Variants in PSAP observed in about 807,000 individuals in gnomAD.
PSAP encodes the protein precursor of saposins.
PSAP carries 25 observed loss-of-function variants against 66.0 expected under a neutral mutation model. The ratio of observed to expected loss-of-function variants is 0.38; its 90% CI spans 0.28 to 0.53. The LOEUF (loss-of-function observed/expected upper bound fraction) is 0.53. Among genes scored for constraint, PSAP ranks in the 20% least tolerant of loss-of-function variants. The pLI, the probability that PSAP is intolerant of heterozygous loss-of-function variation, is 0.83. For missense variants in PSAP, 649 were observed against 668.8 expected (o/e 0.97, Z 0.33); for synonymous variants, 273 against 258.9 (o/e 1.05, Z -0.52).
Position 71,816,435 on chromosome 10 carries a change from G to C in PSAP, c.*1006C>G, listed in dbSNP as rs1407620086. 4.2e-6 allele frequency: 2 copies of C among 471,110 alleles called. No individual in the cohort carries two copies. The highest frequency in any genetic ancestry group is 8.8e-6 in the Non-Finnish European group (2 of 227,070). The allele number at this position is 471,110 out of a possible 1,614,324, so 29.2% of individuals were successfully genotyped here. ...GGCAACCAGAAGTGGACAGAAGCGT[G>C]GGTGCCCAAGTGGGCCACAGACAGC... On this transcript the variant is annotated 3_prime_UTR_variant, in exon 14 of 14. Coordinates refer to ENST00000394936, the MANE Select transcript of PSAP (RefSeq NM_002778.4).
At chr10:71,832,565 A>G (rs1446517201) in intron 2 of PSAP, among the ~76,000 whole-genome samples, 1 of 152,196 alleles carries the variant, frequency 6.6e-6, no homozygotes, top group East Asian at 1.9e-4. Context: ...ACTTAGCTGC[A>G]TTTAGAGAAA....
rs75985593 is a variant in PSAP, at chr10:71,849,244, T to G, written c.40+1938A>C. 9.1e-3 allele frequency among the ~76,000 whole-genome samples: 1,393 copies of G among 152,344 alleles called. 11 individuals are homozygous for G. Among genetic ancestry groups the G allele is most frequent in the Non-Finnish European group, 0.014 (969 of 68,032 alleles). On this transcript the variant is annotated intron_variant, in intron 1 of 13. Coordinates refer to ENST00000394936, the MANE Select transcript of PSAP (RefSeq NM_002778.4). The stretch of plus-strand genomic sequence containing the variant: ...GATTTTTTTATAAGCAGATCATCTT[T>G]CATTGTGTACAAGTAAAACAAATTT...
In PSAP at chr10:71,816,499, C is replaced by G. The variant is rs1245561445; in HGVS notation, c.*942G>C. Reference sequence around the variant, plus strand: ...ACCCCAGCATCCAATCCACACCCAGCAGACCCTTCGGCATGCCGCCCTCTA... The same window carrying G: ...ACCCCAGCATCCAATCCACACCCAGGAGACCCTTCGGCATGCCGCCCTCTA... On this transcript the variant is annotated 3_prime_UTR_variant, in exon 14 of 14. Transcript: ENST00000394936. 1 of 468,370 alleles carries G rather than the reference C, an allele frequency of 2.1e-6. No individual in the cohort carries two copies. The highest frequency in any genetic ancestry group is 7.0e-5 in the East Asian group (1 of 14,290). 29.0% of individuals were successfully genotyped at this position (468,370 alleles called of 1,614,324 possible). A position where few individuals can be genotyped will look rare whatever the true frequency, so the allele number is the denominator to read the frequency against.
chr10:71,840,683 C>T (rs1295771468), intron 1 of PSAP, among the ~76,000 whole-genome samples: 1 of 152,222 alleles, frequency 6.6e-6, no homozygotes, highest in South Asian at 2.1e-4. Flanking sequence ...CCCATCACCT[C>T]TGGCCTCAAA....
At position 71,831,752 on chromosome 10, in the gene PSAP, A is replaced by G; in HGVS notation, c.249+94T>C. The G allele has an allele frequency of 2.3e-6, 3 of 1,288,528 alleles. 1 individual carries two copies. Among genetic ancestry groups the G allele is most frequent in the Non-Finnish European group, 3.4e-6 (3 of 887,668 alleles). 79.8% of individuals were successfully genotyped at this position (1,288,528 alleles called of 1,614,324 possible). ...AGACATTTGCCACCCTCAGGCCTAC[A>G]CCATTCCTCTTTAGACACCCGGAAT... is the stretch of plus-strand genomic sequence containing the variant. On this transcript the variant is annotated intron_variant, in intron 3 of 13. Coordinates refer to ENST00000394936, the MANE Select transcript of PSAP (RefSeq NM_002778.4).
intron 4 of PSAP, among the ~76,000 whole-genome samples, chr10:71,830,360 T>C (rs140343300): frequency 6.6e-6 from 1 of 152,340 alleles, no homozygotes; most frequent in East Asian, 1.9e-4. Context: ...ACTGTCCACA[T>C]CACATCTCAC....
intron 11 of PSAP, 77 bp downstream of exon 11, chr10:71,819,388 T>C (rs576931525): frequency 6.3e-7 from 1 of 1,588,754 alleles, no homozygotes; most frequent in East Asian, 2.2e-5. Context: ...TGGTTTTCCA[T>C]CAAAATGTAC....
At chr10:71,835,833 A>C (rs1318139370) in intron 1 of PSAP, among the ~76,000 whole-genome samples, 2 of 133,382 alleles carry the variant, frequency 1.5e-5, no homozygotes, top group Middle Eastern at 3.3e-3. Flanking sequence ...AAAAAAAAAA[A>C]AAAAAACAAA....
At chr10:71,826,658 T>G (rs1009683870) in intron 6 of PSAP, among the ~76,000 whole-genome samples, 11 of 151,488 alleles carry the variant, frequency 7.3e-5, no homozygotes, top group Admixed American at 2.6e-4. Context: ...AGAGGATTGT[T>G]TGAGCCCAGG....
chr10:71,840,224 C>CA lies in PSAP; in HGVS notation c.41-5720dup, dbSNP rs1195894430. On this transcript the variant is annotated intron_variant, in intron 1 of 13. Coordinates refer to ENST00000394936, the MANE Select transcript of PSAP (RefSeq NM_002778.4). ...GTAACAGAAAATGCATGCAGCCTCC[C>CA]AGTGCTGACAATCAGAGCCTACATT... Among the ~76,000 whole-genome samples the CA allele has an allele frequency of 4.6e-5, 7 of 152,178 alleles. No individual in the cohort carries two copies. The East Asian group carries it at 1.4e-3, about 29-fold the overall frequency.
intron 7 of PSAP, chr10:71,823,913 C>A: frequency 1.5e-6 from 2 of 1,293,306 alleles, no homozygotes; most frequent in Non-Finnish European, 2.0e-6. Context: ...AACAAAAAAA[C>A]AGGAAATCGG....
intron 2 of PSAP, 36 bp from the exon 3 acceptor site, chr10:71,831,956 G>C (rs761481248): frequency 7.6e-6 from 12 of 1,585,874 alleles, no homozygotes; most frequent in South Asian, 2.2e-5. Context: ...GTATTTGCAG[G>C]ACACAAATTC....
At chr10:71,827,726 C>CAAA (rs1183654773) in intron 6 of PSAP, among the ~76,000 whole-genome samples, 1 of 84,554 alleles carries the variant, frequency 1.2e-5, no homozygotes, top group Non-Finnish European at 2.4e-5. Context: ...CACTCAGTCT[C>CAAA]AAAAAAAAAA....
At chr10:71,835,820 A>AG (rs1311323628) in intron 1 of PSAP, among the ~76,000 whole-genome samples, 2 of 29,234 alleles carry the variant, frequency 6.8e-5, no homozygotes, top group African/African-American at 2.6e-4. Flanking sequence ...AGTCTGAGAC[A>AG]GAAAAAAAAA....
intron 5 of PSAP, 38 bp downstream of exon 5, chr10:71,828,839 C>T (rs1306152619): frequency 3.7e-6 from 6 of 1,611,676 alleles, no homozygotes; most frequent in Non-Finnish European, 5.1e-6. Flanking sequence ...TCCAGTGCAA[C>T]CAAAAATGGG....
rs760284315 is a variant in PSAP, at chr10:71,820,277, T to C, written c.968A>G (p.Lys323Arg). Residue 323 changes from lysine (K) to arginine (R), a missense_variant, in exon 9 of 14, where the codon AAG becomes AGG. Coordinates refer to ENST00000394936, the MANE Select transcript of PSAP (RefSeq NM_002778.4). Reference protein sequence around the residue: ...VYCEVCEFLVKEVTKLIDNNK... With the variant: ...VYCEVCEFLVREVTKLIDNNK... ...GTTGTCAATCAGCTTGGTCACCTCCTTCACCAGGAATTCACACACCTCACA... is the reference window on the plus strand; with the variant it reads ...GTTGTCAATCAGCTTGGTCACCTCCCTCACCAGGAATTCACACACCTCACA... 2 of 1,614,188 alleles carry C rather than the reference T, an allele frequency of 1.2e-6. No individual in the cohort carries two copies. Among genetic ancestry groups the C allele is most frequent in the Non-Finnish European group, 8.5e-7 (1 of 1,180,002 alleles).
At chr10:71,824,605 T>C (rs1463055920) in intron 7 of PSAP, among the ~76,000 whole-genome samples, 1 of 152,254 alleles carries the variant, frequency 6.6e-6, no homozygotes, top group Admixed American at 6.5e-5. Flanking sequence ...CTCTTCTATG[T>C]ACACAGGTGA....
intron 1 of PSAP, among the ~76,000 whole-genome samples, chr10:71,842,237 C>G (rs1000736608): frequency 2.0e-5 from 3 of 152,146 alleles, no homozygotes; most frequent in African/African-American, 7.2e-5. Flanking sequence ...TGTGACATGA[C>G]ATTGCAACAG....
At chr10:71,825,066 G>A (rs370005574) in intron 7 of PSAP, among the ~76,000 whole-genome samples, 1 of 152,200 alleles carries the variant, frequency 6.6e-6, no homozygotes, top group Non-Finnish European at 1.5e-5. Flanking sequence ...CTGTGCTGCT[G>A]TAGCACAAAA....
Sources: gnomAD v4.1 joint callset for allele counts (sites outside exome capture counted in the v4.1 genomes callset) on GRCh38, gnomAD v4.1.1 for gene constraint, MANE v1.5 for transcripts, NCBI Gene and HGNC (gene_info 2026-07-23, HGNC 2026-07-21) for gene names.